The following IL17RE variants were observed in gnomAD, a reference collection of about 807,000 sequenced individuals.
IL17RE encodes the protein interleukin-17 receptor E.
In IL17RE, 47 loss-of-function variants were observed where a neutral mutation model predicts 70.7. That is an observed-to-expected ratio of 0.67 (90% confidence interval 0.53 to 0.85). IL17RE has a LOEUF of 0.85. IL17RE is among the 40% of genes least tolerant of loss of function. The probability of loss-of-function intolerance (pLI) is 0.00; values close to 1 mark genes in which losing one functional copy is unlikely to be tolerated. For missense variants in IL17RE, 850 were observed against 893.9 expected, an observed-to-expected ratio of 0.95 and a Z score of 0.63; for synonymous variants, 372 against 381.2, an observed-to-expected ratio of 0.98 and a Z score of 0.28.
At chr3:9,905,363 A>G (rs1242072555) in intron 3 of IL17RE, among the ~76,000 whole-genome samples, 1 of 151,230 alleles carries the variant, frequency 6.6e-6, no homozygotes, top group Non-Finnish European at 1.5e-5. Flanking sequence ...GGCTGAGGTG[A>G]GAGGATTGCT....
chr3:9,912,038 C>T (rs1007421687), intron 12 of IL17RE, among the ~76,000 whole-genome samples: 3 of 152,116 alleles, frequency 2.0e-5, no homozygotes, highest in Non-Finnish European at 4.4e-5. Context: ...AGAAACGAGG[C>T]CACACAGCAG....
chr3:9,915,420 G>T lies in IL17RE; in HGVS notation c.1617G>T (p.Pro539=). The T allele has an allele frequency of 7.3e-7, 1 of 1,361,788 alleles. No homozygotes were observed. 84.4% of individuals were successfully genotyped at this position (1,361,788 alleles called of 1,614,324 possible). The change falls in exon 16 of 16, where the codon CCG becomes CCT. Residue 539 remains proline, a synonymous_variant. Transcript: ENST00000383814. The surrounding 1 kb of genome is among the most constrained non-coding windows in gnomAD (Gnocchi z 4.9). ...GRHVARVGPL[P]WLWAARTRVA... Reference sequence around the variant, plus strand: ...ACGTGGCGCGCGTGGGCCCGCTGCCGTGGCTCTGGGCGGCGCGGACGCGCG... The same window carrying T: ...ACGTGGCGCGCGTGGGCCCGCTGCCTTGGCTCTGGGCGGCGCGGACGCGCG...
At chr3:9,905,540 G>T (rs536641118) in intron 3 of IL17RE, among the ~76,000 whole-genome samples, 2 of 152,212 alleles carry the variant, frequency 1.3e-5, no homozygotes, top group African/African-American at 4.8e-5. Flanking sequence ...GAGAGGCAGG[G>T]ACTGGCGTGG....
At position 9,902,997 on chromosome 3, in the gene IL17RE, ACT is replaced by A. The variant is rs768806042; in HGVS notation, c.68_69del (p.Ser23CysfsTer23). The A allele has an allele frequency of 6.2e-7, 1 of 1,613,864 alleles. No homozygotes were observed. The highest frequency in any genetic ancestry group is 8.5e-7 in the Non-Finnish European group (1 of 1,179,954). ...CTCCTCATAGTCATCGACCTCTCTG[ACT>A]CTGCTGGGATTGGCTTTCGCCACCT... On this transcript the variant is annotated frameshift_variant, in exon 1 of 16. Transcript: ENST00000383814. LOFTEE classifies it high-confidence loss of function.
Position 9,909,421 on chromosome 3 carries a change from G to T in IL17RE, c.802+138G>T. The stretch of plus-strand genomic sequence containing the variant: ...GGGGGAAGTCCCCAGAAGGCATGCA[G>T]GTACTTTCCCTGGAGTCAGTGGGGG... On this transcript the variant is annotated intron_variant, in intron 8 of 15. Transcript: ENST00000383814. 3 of 782,736 alleles carry T rather than the reference G, an allele frequency of 3.8e-6. No individual in the cohort carries two copies. In the South Asian group the frequency reaches 5.0e-5, roughly 13 times the overall value. 48.5% of individuals were successfully genotyped at this position (782,736 alleles called of 1,614,324 possible).
chr3:9,906,403 C>T lies in IL17RE; in HGVS notation c.308C>T (p.Ser103Phe). The change falls in exon 4 of 16, where the codon TCC becomes TTC. Residue 103 changes from serine (S) to phenylalanine (F), a missense_variant. Coordinates refer to ENST00000383814, the MANE Select transcript of IL17RE (RefSeq NM_153480.2). ...CTCTTCCACCTCCTGGTGCAGAAATCCAAAAAGTCTTCCACATTCAAGTTC... is the reference window on the plus strand; with the variant it reads ...CTCTTCCACCTCCTGGTGCAGAAATTCAAAAAGTCTTCCACATTCAAGTTC... ...RGLFHLLVQK[S>F]KKSSTFKFYR... The T allele has an allele frequency of 6.2e-7, 1 of 1,614,032 alleles. No homozygotes were observed. The highest frequency in any genetic ancestry group is 8.5e-7 in the Non-Finnish European group (1 of 1,179,960).
Position 9,911,025 on chromosome 3 carries a change from T to C in IL17RE, c.963T>C (p.Ala321=). The C allele has an allele frequency of 6.2e-7, 1 of 1,614,020 alleles. No homozygotes were observed. The highest frequency in any genetic ancestry group is 8.5e-7 in the Non-Finnish European group (1 of 1,180,010). The change falls in exon 9 of 16, where the codon GCT becomes GCC. Residue 321 remains alanine, a synonymous_variant. Coordinates refer to ENST00000383814, the MANE Select transcript of IL17RE (RefSeq NM_153480.2). The part of the protein sequence containing the change: ...TLCKDLPNAT[A]RESDGWYVLE... ...GCAAAGACCTCCCGAATGCCACAGC[T>C]CGAGAGTCAGATGGGGTGAGGACAG...
intron 2 of IL17RE, among the ~76,000 whole-genome samples, chr3:9,903,667 A>G (rs1290462860): frequency 6.6e-6 from 1 of 152,192 alleles, no homozygotes; most frequent in African/African-American, 2.4e-5. Flanking sequence ...ATGATTGTAC[A>G]CTAAAGGCAG....
intron 8 of IL17RE, chr3:9,910,222 C>G (rs2082858730): frequency 6.6e-6 from 1 of 151,782 alleles, no homozygotes; most frequent in Admixed American, 6.6e-5. Context: ...AAAAAGTTAG[C>G]CGGGCATGGT....
chr3:9,904,105 G>T lies in IL17RE; in HGVS notation c.222G>T (p.Trp74Cys). The T allele has an allele frequency of 6.2e-7, 1 of 1,614,186 alleles. No homozygotes were observed. Among genetic ancestry groups the T allele is most frequent in the African/African-American group, 1.3e-5 (1 of 75,058 alleles). The change falls in exon 3 of 16, where the codon TGG becomes TGT. Residue 74 changes from tryptophan to cysteine, a missense_variant. Transcript: ENST00000383814. ...CAAAGCCTTGGTGTGTGCGAGTCTGGCACTGTTCCCGCTGTTTGTGCCAGC... is the reference window on the plus strand; with the variant it reads ...CAAAGCCTTGGTGTGTGCGAGTCTGTCACTGTTCCCGCTGTTTGTGCCAGC... ...FSTKPWCVRV[W>C]HCSRCLCQHL...
In IL17RE at chr3:9,914,774, T is replaced by A; in HGVS notation, c.1444T>A (p.Ser482Thr). Residue 482 changes from serine (S) to threonine (T), a missense_variant, in exon 15 of 16, where the codon TCA becomes ACA. Ser to Thr is a moderately conservative substitution (Grantham distance 58). Transcript: ENST00000383814. ...GGCCCTCACCTGCCGGCGCCCACAG[T>A]CAGGTAAGCTCACCTGGGGTAACCT... ...VLALTCRRPQ[S>T]GPGPARPVLL... 1.2e-6 allele frequency: 2 copies of A among 1,613,188 alleles called. No homozygotes were observed. Among genetic ancestry groups the A allele is most frequent in the Non-Finnish European group, 1.7e-6 (2 of 1,179,764 alleles).
Position 9,906,987 on chromosome 3 carries a change from C to T in IL17RE, c.553C>T (p.Pro185Ser). Reference sequence around the variant, plus strand: ...ACCCGAGTTCTCCTTTGATTTGCTGCCTGAGGCCCGGGCTATTCGGGTGAC... The same window carrying T: ...ACCCGAGTTCTCCTTTGATTTGCTGTCTGAGGCCCGGGCTATTCGGGTGAC... ...GGPEFSFDLLPEARAIRVTIS... is the reference protein window; with the variant it reads ...GGPEFSFDLLSEARAIRVTIS... Residue 185 changes from proline (P) to serine (S), a missense_variant, in exon 6 of 16, where the codon CCT (proline) becomes TCT (serine). Transcript: ENST00000383814. 1 of 1,614,200 alleles carries T rather than the reference C, an allele frequency of 6.2e-7. No individual in the cohort carries two copies.
chr3:9,903,942 G>A (rs1156286022), intron 2 of IL17RE, 90 bp from the exon 3 acceptor site: 4 of 1,496,508 alleles, frequency 2.7e-6, no homozygotes, highest in African/African-American at 2.7e-5. Context: ...CTTCCAGGAT[G>A]TGACAGAGCT....
In IL17RE at chr3:9,911,490, C is replaced by G; in HGVS notation, c.1120C>G (p.Leu374Val). The change falls in exon 12 of 16, where the codon CTG becomes GTG. Residue 374 changes from leucine (L) to valine (V), a missense_variant. By Grantham distance (32) the Leu-to-Val change is conservative. Coordinates refer to ENST00000383814, the MANE Select transcript of IL17RE (RefSeq NM_153480.2). ...NVSMDTQAQQ[L>V]ILHFSSRMHA... Reference sequence around the variant, plus strand: ...AAGCATGGATACCCAAGCCCAGCAGCTGATTCTTCACTTCTCCTCAAGAAT... The same window carrying G: ...AAGCATGGATACCCAAGCCCAGCAGGTGATTCTTCACTTCTCCTCAAGAAT... 6.2e-7 allele frequency: 1 copy of G among 1,614,200 alleles called. No homozygotes were observed. The highest frequency in any genetic ancestry group is 8.5e-7 in the Non-Finnish European group (1 of 1,180,038).
intron 8 of IL17RE, chr3:9,909,985 GA>G (rs1032111550): frequency 6.6e-6 from 1 of 152,246 alleles, no homozygotes; most frequent in Non-Finnish European, 1.5e-5. Flanking sequence ...GTTCTGAGAG[GA>G]CCCTAAGCAG....
intron 12 of IL17RE, among the ~76,000 whole-genome samples, chr3:9,912,610 T>C (rs2082919601): frequency 2.0e-5 from 3 of 152,250 alleles, no homozygotes; most frequent in Admixed American, 1.3e-4. Context: ...CATGACTAGC[T>C]CTTTCAAACA....
At chr3:9,906,914 A>G (rs779879133) in intron 5 of IL17RE, 47 bp from the exon 6 acceptor site, 2 of 1,614,048 alleles carry the variant, frequency 1.2e-6, no homozygotes, top group Admixed American at 1.7e-5. Context: ...TGGTGGTACC[A>G]GTGCTAAGGC....
intron 8 of IL17RE, 101 bp downstream of exon 8, chr3:9,909,384 C>A: frequency 9.4e-7 from 1 of 1,062,052 alleles, no homozygotes; most frequent in Admixed American, 2.0e-5. Flanking sequence ...CCCCGCACTT[C>A]ACACATGTGC....
In IL17RE at chr3:9,906,868, G is replaced by A. The variant is rs766844462; in HGVS notation, c.526+3G>A. On this transcript the variant is annotated splice_donor_region_variant and intron_variant, in intron 5 of 15. Coordinates refer to ENST00000383814, the MANE Select transcript of IL17RE (RefSeq NM_153480.2). ...ATTGGACTCACAAAGGCATGGAGGT[G>A]GGCACTGGGTACAACAGGAGATGGG... is the stretch of plus-strand genomic sequence containing the variant. The A allele has an allele frequency of 1.9e-6, 3 of 1,614,138 alleles. No homozygotes were observed. The highest frequency in any genetic ancestry group is 4.5e-5 in the East Asian group (2 of 44,882).
Sources: gnomAD v4.1 joint callset for allele counts (sites outside exome capture counted in the v4.1 genomes callset) on GRCh38, gnomAD v4.1.1 for gene constraint, Gnocchi (gnomAD v3.1) non-coding constraint, MANE v1.5 for transcripts, NCBI Gene and HGNC (gene_info 2026-07-23, HGNC 2026-07-21) for gene names.